Variants in UNC5C observed in about 807,000 individuals in gnomAD.
UNC5C encodes the protein unc-5 netrin receptor C, also known as netrin receptor UNC5C.
In UNC5C, 47 loss-of-function variants were observed where a neutral mutation model predicts 99.8. The observed-to-expected ratio is 0.47, with a 90% CI of 0.37 to 0.60. The LOEUF is 0.60. Among genes scored for constraint, UNC5C ranks in the 20% least tolerant of loss-of-function variants. UNC5C has a pLI of 0.00. For missense variants in UNC5C, 1,062 were observed against 1,165.9 expected, an observed-to-expected ratio of 0.91 and a Z score of 1.30; for synonymous variants, 487 against 452.2, an observed-to-expected ratio of 1.08 and a Z score of -0.98.
At chr4:95,278,224 C>T (rs762410871) in intron 4 of UNC5C, 35 bp downstream of exon 4, 4 of 1,543,434 alleles carry the variant, frequency 2.6e-6, no homozygotes, top group Admixed American at 1.7e-5. Context: ...TAACTTAGTG[C>T]CAATTGCTAA....
chr4:95,246,810 A>G (rs976201788), intron 5 of UNC5C, among the ~76,000 whole-genome samples: 7 of 152,134 alleles, frequency 4.6e-5, no homozygotes, highest in Non-Finnish European at 7.3e-5. Flanking sequence ...CTATAATCCC[A>G]GTACTTTGGG....
At chr4:95,291,882 AT>A (rs1001751397) in intron 3 of UNC5C, among the ~76,000 whole-genome samples, 1 of 152,070 alleles carries the variant, frequency 6.6e-6, no homozygotes, top group African/African-American at 2.4e-5. Context: ...AATGGTTGTT[AT>A]ACAAGGTATC....
chr4:95,356,823 A>C (rs1017854478), intron 1 of UNC5C, among the ~76,000 whole-genome samples: 2 of 152,138 alleles, frequency 1.3e-5, no homozygotes, highest in Non-Finnish European at 2.9e-5. Context: ...GTATTGCTTG[A>C]GGTTATAGAG....
chr4:95,188,902 G>A (rs1736951417), intron 12 of UNC5C, among the ~76,000 whole-genome samples: 1 of 152,154 alleles, frequency 6.6e-6, no homozygotes, highest in African/African-American at 2.4e-5. Flanking sequence ...GGGGTGACCT[G>A]TAAACATGTA....
intron 2 of UNC5C, among the ~76,000 whole-genome samples, chr4:95,318,582 G>A (rs1477393492): frequency 1.3e-5 from 2 of 152,170 alleles, no homozygotes; most frequent in Admixed American, 1.3e-4. Context: ...CCGAATGGGT[G>A]TGGAGAGGCA....
chr4:95,387,491 T>C (rs112201167), intron 1 of UNC5C, among the ~76,000 whole-genome samples: 9 of 152,158 alleles, frequency 5.9e-5, no homozygotes, highest in African/African-American at 9.6e-5. Context: ...TACCTCAAAA[T>C]TGAAGATCCT....
chr4:95,542,043 G>T (rs1348063333), intron 1 of UNC5C, among the ~76,000 whole-genome samples: 2 of 152,068 alleles, frequency 1.3e-5, no homozygotes, highest in Non-Finnish European at 2.9e-5. Flanking sequence ...GCTGAGAAAT[G>T]AAACTAGCCA....
intron 4 of UNC5C, among the ~76,000 whole-genome samples, chr4:95,262,790 T>C (rs1256297433): frequency 6.6e-6 from 1 of 151,768 alleles, no homozygotes; most frequent in African/African-American, 2.4e-5. Context: ...TAAGTTAAAA[T>C]AGAAAAAGGA....
intron 1 of UNC5C, among the ~76,000 whole-genome samples, chr4:95,363,662 T>A (rs1354710856): frequency 1.3e-5 from 2 of 152,166 alleles, no homozygotes; most frequent in Non-Finnish European, 2.9e-5. Flanking sequence ...AGTGCCAAGT[T>A]AGTTCATTGT....
In UNC5C at chr4:95,277,167, C is replaced by T. The variant is rs375846732; in HGVS notation, c.594+1092G>A. 3.3e-5 allele frequency among the ~76,000 whole-genome samples: 5 copies of T among 152,048 alleles called. No individual in the cohort carries two copies. In the East Asian group the frequency reaches 5.8e-4, roughly 18 times the overall value. ...GAAAGTCTCATTAGTATTATTTTTC[C>T]GTTTCAGAGATAGGCACAACTTCAG... On this transcript the variant is annotated intron_variant, in intron 4 of 15. Transcript: ENST00000453304.
chr4:95,545,772 G>GCGCGCACACACACACACA (rs6148582), intron 1 of UNC5C, among the ~76,000 whole-genome samples: 3 of 148,402 alleles, frequency 2.0e-5, no homozygotes, highest in South Asian at 2.1e-4. Context: ...GCGCGCGCGC[G>GCGCGCACACACACACACA]CACACACACA....
At chr4:95,440,253 G>A (rs1191083254) in intron 1 of UNC5C, among the ~76,000 whole-genome samples, 1 of 152,184 alleles carries the variant, frequency 6.6e-6, no homozygotes, top group Non-Finnish European at 1.5e-5. Flanking sequence ...TGGCTTACCT[G>A]TGTTTGCTGC....
chr4:95,498,851 G>A (rs565994536), intron 1 of UNC5C, among the ~76,000 whole-genome samples: 8 of 151,914 alleles, frequency 5.3e-5, no homozygotes, highest in East Asian at 1.9e-4. Context: ...ACATATAATC[G>A]CTATTTCAAC....
At chr4:95,242,325 ATTG>A (rs1322143315) in intron 7 of UNC5C, 101 bp downstream of exon 7, 1 of 1,458,240 alleles carries the variant, frequency 6.9e-7, no homozygotes, top group Non-Finnish European at 9.2e-7. Context: ...ATTGCATTTT[ATTG>A]TTGTTGAAAG....
chr4:95,501,216 T>C lies in UNC5C; in HGVS notation c.124+47518A>G, dbSNP rs537781183. On this transcript the variant is annotated intron_variant, in intron 1 of 15. Transcript: ENST00000453304. ...AATTAGGTTTTGCTTTTTAATGACA[T>C]ATAAGCAGCTAGCCCTCTGTTCAGT... Among the ~76,000 whole-genome samples the C allele has an allele frequency of 7.2e-5, 11 of 152,228 alleles. No individual in the cohort carries two copies. In the South Asian group the frequency reaches 1.5e-3, roughly 20 times the overall value.
intron 1 of UNC5C, among the ~76,000 whole-genome samples, chr4:95,357,281 C>T (rs1744240193): frequency 6.6e-6 from 1 of 151,950 alleles, no homozygotes; most frequent in South Asian, 2.1e-4. Flanking sequence ...GGACAACAGG[C>T]ATGTGCCACT....
chr4:95,354,479 A>ATATATATATATATATATATAT, intron 1 of UNC5C, among the ~76,000 whole-genome samples: 78 of 110,334 alleles, frequency 7.1e-4, no homozygotes, highest in South Asian at 3.2e-3. Context: ...ATATATATAT[A>ATATATATATATATATATATAT]TTTTTTTTTT....
intron 4 of UNC5C, among the ~76,000 whole-genome samples, chr4:95,259,333 A>G (rs115063227): frequency 0.047 from 7,146 of 152,290 alleles, 197 homozygotes; most frequent in South Asian, 0.1. Context: ...AATTATTAAC[A>G]TTTAGTTAAG....
chr4:95,338,322 T>C (rs1045002890), intron 1 of UNC5C, among the ~76,000 whole-genome samples: 2 of 152,080 alleles, frequency 1.3e-5, no homozygotes, highest in Non-Finnish European at 2.9e-5. Context: ...TTTACGAAAC[T>C]GTATCCTAAC....
Sources: allele counts gnomAD v4.1 joint callset (sites outside exome capture counted in the v4.1 genomes callset), GRCh38; gene constraint gnomAD v4.1.1; transcripts MANE v1.5; gene names NCBI Gene and HGNC (gene_info 2026-07-23, HGNC 2026-07-21).